The following MAGI2 variants were observed in gnomAD, a reference collection of about 807,000 sequenced individuals.
MAGI2 encodes membrane-associated guanylate kinase, WW and PDZ domain-containing protein 2.
In MAGI2, 35 loss-of-function variants were observed where a neutral mutation model predicts 133.3. That is an observed-to-expected ratio of 0.26 (90% CI 0.20 to 0.35). The LOEUF is 0.35. MAGI2 is among the 10% of genes least tolerant of loss of function. The probability of loss-of-function intolerance (pLI) is 1.00; values close to 1 mark genes in which losing one functional copy is unlikely to be tolerated. For missense variants in MAGI2, 1,636 were observed against 1,863.4 expected (o/e 0.88, Z 2.25); for synonymous variants, 729 against 710.6 (o/e 1.03, Z -0.41).
chr7:78,963,315 A>T (rs967768910), intron 2 of MAGI2, among the ~76,000 whole-genome samples: 1 of 152,106 alleles, frequency 6.6e-6, no homozygotes, highest in African/African-American at 2.4e-5. Flanking sequence ...AATATAGGGA[A>T]AGCACTTTAT....
intron 2 of MAGI2, among the ~76,000 whole-genome samples, chr7:78,955,295 A>C (rs1373183514): frequency 6.6e-6 from 1 of 152,118 alleles, no homozygotes; most frequent in Non-Finnish European, 1.5e-5. Flanking sequence ...AGATATATGT[A>C]TATATTTACA....
intron 2 of MAGI2, 53 bp downstream of exon 2, chr7:79,007,037 G>A: frequency 1.6e-6 from 2 of 1,280,628 alleles, no homozygotes; most frequent in Non-Finnish European, 2.2e-6. Flanking sequence ...TGAATATATA[G>A]CTAAACATTT....
intron 3 of MAGI2, among the ~76,000 whole-genome samples, chr7:78,620,532 G>C (rs2150937691): frequency 6.6e-6 from 1 of 152,018 alleles, no homozygotes. Context: ...GTAGTTATGA[G>C]AAAACTTGAA....
chr7:79,043,705 A>T lies in MAGI2; in HGVS notation c.302-36499T>A, dbSNP rs146570678. Reference sequence around the variant, plus strand: ...CAAATAAACACAATCAGAAATGATAAAGAAGACATTTACCACTGGCCCCAG... The same window carrying T: ...CAAATAAACACAATCAGAAATGATATAGAAGACATTTACCACTGGCCCCAG... On this transcript the variant is annotated intron_variant, in intron 1 of 21. Coordinates refer to ENST00000354212, the MANE Select transcript of MAGI2 (RefSeq NM_012301.4). 1.9e-3 allele frequency among the ~76,000 whole-genome samples: 282 copies of T among 152,232 alleles called. 1 individual carries two copies. The highest frequency in any genetic ancestry group is 0.01 in the Middle Eastern group (3 of 294).
At chr7:78,271,645 C>T (rs992823698) in intron 9 of MAGI2, among the ~76,000 whole-genome samples, 5 of 152,108 alleles carry the variant, frequency 3.3e-5, no homozygotes, top group Non-Finnish European at 7.4e-5. Flanking sequence ...TGGTATTGGT[C>T]TATTCAGGGA....
intron 3 of MAGI2, among the ~76,000 whole-genome samples, chr7:78,611,460 C>T (rs1197407512): frequency 3.6e-4 from 55 of 152,250 alleles, no homozygotes; most frequent in Non-Finnish European, 1.5e-4. Flanking sequence ...GATTTCTAGG[C>T]CTCTATTACA....
At chr7:79,195,700 C>T (rs191941184) in intron 1 of MAGI2, among the ~76,000 whole-genome samples, 7 of 151,982 alleles carry the variant, frequency 4.6e-5, no homozygotes, top group Admixed American at 3.3e-4. Flanking sequence ...TTTAATTCTG[C>T]GCACTTCTCC....
At chr7:78,857,716 T>A (rs890402763) in intron 2 of MAGI2, among the ~76,000 whole-genome samples, 2 of 152,200 alleles carry the variant, frequency 1.3e-5, no homozygotes, top group African/African-American at 4.8e-5. Flanking sequence ...AAAATTCTCT[T>A]TTTTTGTTGT....
chr7:79,410,391 C>A (rs1051382989), intron 1 of MAGI2: 3 of 152,066 alleles, frequency 2.0e-5, no homozygotes, highest in Non-Finnish European at 4.4e-5. Context: ...GCATTTATAT[C>A]CATCCAACAG....
In MAGI2 at chr7:78,982,180, C is replaced by T. The variant is rs115877444; in HGVS notation, c.418+24910G>A. Among the ~76,000 whole-genome samples, 404 of 151,934 alleles carry T rather than the reference C, an allele frequency of 2.7e-3. 2 individuals carry two copies. The highest frequency in any genetic ancestry group is 9.1e-3 in the African/African-American group (377 of 41,512). ...TCCAGTTCCTACTTATTTCTGGAAG[C>T]TAGAGGTTTTAAAACATTCTTTTGA... is the stretch of plus-strand genomic sequence containing the variant. On this transcript the variant is annotated intron_variant, in intron 2 of 21. Transcript: ENST00000354212.
At position 79,216,041 on chromosome 7, in the gene MAGI2, C is replaced by A. The variant is rs1054352879; in HGVS notation, c.302-208835G>T. On this transcript the variant is annotated intron_variant, in intron 1 of 21. Transcript: ENST00000354212. ...ATGGGAACAGACATTCCTGTTTTCA[C>A]GCCCAAATGTTCCCTTTTGGCCCAC... Among the ~76,000 whole-genome samples, 5 of 151,982 alleles carry A rather than the reference C, an allele frequency of 3.3e-5. No individual in the cohort carries two copies. The South Asian group carries it at 1.0e-3, about 32-fold the overall frequency.
intron 9 of MAGI2, among the ~76,000 whole-genome samples, chr7:78,321,564 C>CA (rs1431258067): frequency 6.6e-6 from 1 of 152,124 alleles, no homozygotes; most frequent in Middle Eastern, 3.2e-3. Context: ...ACTGGCTAGC[C>CA]ATATGCAGGA....
chr7:78,401,765 G>T (rs555110321), intron 6 of MAGI2, among the ~76,000 whole-genome samples: 1 of 152,090 alleles, frequency 6.6e-6, no homozygotes, highest in Non-Finnish European at 1.5e-5. Flanking sequence ...AGATAAATAA[G>T]TATTTTCTCC....
At position 78,592,820 on chromosome 7, in the gene MAGI2, C is replaced by T. The variant is rs1444560934; in HGVS notation, c.538+34300G>A. The stretch of plus-strand genomic sequence containing the variant: ...CCCTTGCATGCCCTCCGAAAAATTA[C>T]TGATTCTCTTTTTTTTTTTTTTTTT... On this transcript the variant is annotated intron_variant, in intron 3 of 21. Coordinates refer to ENST00000354212, the MANE Select transcript of MAGI2 (RefSeq NM_012301.4). Among the ~76,000 whole-genome samples, 4 of 129,204 alleles carry T rather than the reference C, an allele frequency of 3.1e-5. No homozygotes were observed. The East Asian group carries it at 8.6e-4, about 28-fold the overall frequency. The allele number at this position is 129,204 out of a possible 152,430, so 84.8% of individuals were successfully genotyped here.
chr7:78,665,570 T>C (rs562564525), intron 2 of MAGI2, among the ~76,000 whole-genome samples: 1 of 152,256 alleles, frequency 6.6e-6, no homozygotes, highest in East Asian at 1.9e-4. Context: ...TATTAGAAGG[T>C]TGATTTGGAT....
chr7:79,170,682 T>G (rs1313393800), intron 1 of MAGI2, among the ~76,000 whole-genome samples: 5 of 152,198 alleles, frequency 3.3e-5, no homozygotes, highest in Non-Finnish European at 1.5e-5. Flanking sequence ...CAACAACCCT[T>G]GTCTAAGAAG....
chr7:78,601,473 C>G (rs750100397), intron 3 of MAGI2, among the ~76,000 whole-genome samples: 3 of 152,126 alleles, frequency 2.0e-5, no homozygotes, highest in African/African-American at 4.8e-5. Flanking sequence ...CAGTATGTTG[C>G]ATATTTTATA....
chr7:78,710,986 C>A (rs1372014690), intron 2 of MAGI2, among the ~76,000 whole-genome samples: 2 of 152,088 alleles, frequency 1.3e-5, no homozygotes, highest in Admixed American at 1.3e-4. Context: ...TATAATTAAT[C>A]TGGCAATTGA....
At chr7:79,108,946 T>G (rs1366517076) in intron 1 of MAGI2, among the ~76,000 whole-genome samples, 2 of 152,202 alleles carry the variant, frequency 1.3e-5, no homozygotes. Context: ...GCTGGCTCCC[T>G]CTTTGCCTGC....
Sources: gnomAD v4.1 joint callset for allele counts (sites outside exome capture counted in the v4.1 genomes callset) on GRCh38, gnomAD v4.1.1 for gene constraint, MANE v1.5 for transcripts, NCBI Gene and HGNC (gene_info 2026-07-23, HGNC 2026-07-21) for gene names.